The following FHIP1A variants were observed in gnomAD, a reference collection of about 807,000 sequenced individuals.
FHIP1A encodes the protein FHF complex subunit HOOK-interacting protein 1A.
In FHIP1A, 61 loss-of-function variants were observed where a neutral mutation model predicts 88.6. That is an observed-to-expected ratio of 0.69 (90% CI 0.56 to 0.85). FHIP1A has a LOEUF of 0.85. FHIP1A is among the 40% of genes least tolerant of loss of function. The probability of loss-of-function intolerance (pLI) is 0.00; values close to 1 mark genes in which losing one functional copy is unlikely to be tolerated. For synonymous variants in FHIP1A, 478 were observed against 496.0 expected, an observed-to-expected ratio of 0.96 and a Z score of 0.48; for missense variants, 1,154 against 1,273.5, an observed-to-expected ratio of 0.91 and a Z score of 1.43.
intron 3 of FHIP1A, among the ~76,000 whole-genome samples, chr4:151,529,782 A>G (rs1161978630): frequency 6.6e-6 from 1 of 152,212 alleles, no homozygotes; most frequent in Non-Finnish European, 1.5e-5. Context: ...ATTGGAGCCA[A>G]AAGAGGTTAA....
chr4:151,471,327 G>GA (rs10570533), intron 2 of FHIP1A, among the ~76,000 whole-genome samples: 43 of 133,844 alleles, frequency 3.2e-4, no homozygotes, highest in East Asian at 2.1e-3. Flanking sequence ...TTCCAATAAG[G>GA]AAAAAAAAAA....
chr4:151,412,665 T>TC (rs1561484208), intron 1 of FHIP1A, among the ~76,000 whole-genome samples: 16 of 118,692 alleles, frequency 1.3e-4, no homozygotes, highest in African/African-American at 2.0e-4. Context: ...CTTTCTTTCT[T>TC]TCTCTCTCTC....
intron 1 of FHIP1A, among the ~76,000 whole-genome samples, chr4:151,434,436 T>G (rs1192279937): frequency 6.6e-6 from 1 of 152,210 alleles, no homozygotes; most frequent in Non-Finnish European, 1.5e-5. Flanking sequence ...TATGAAACTT[T>G]TCTTTGATAG....
intron 1 of FHIP1A, among the ~76,000 whole-genome samples, chr4:151,412,526 A>G (rs1438653102): frequency 6.6e-6 from 1 of 151,644 alleles, no homozygotes; most frequent in Admixed American, 6.6e-5. Flanking sequence ...CATTTTGTGA[A>G]GTGGTTGGAT....
intron 3 of FHIP1A, among the ~76,000 whole-genome samples, chr4:151,507,847 A>C (rs1489352502): frequency 6.6e-6 from 1 of 152,204 alleles, no homozygotes; most frequent in Non-Finnish European, 1.5e-5. Flanking sequence ...AAGAATGGTA[A>C]AGGCTATTGC....
At chr4:151,611,973 T>A (rs573322159) in intron 7 of FHIP1A, among the ~76,000 whole-genome samples, 2 of 152,354 alleles carry the variant, frequency 1.3e-5, no homozygotes, top group South Asian at 4.1e-4. Flanking sequence ...AGAGATTAAA[T>A]TGGAGATAGA....
intron 3 of FHIP1A, among the ~76,000 whole-genome samples, chr4:151,485,327 C>T (rs1404474972): frequency 1.5e-5 from 2 of 133,224 alleles, no homozygotes; most frequent in African/African-American, 5.9e-5. Flanking sequence ...ACCAGAATGG[C>T]TTAAAATAAA....
intron 7 of FHIP1A, among the ~76,000 whole-genome samples, chr4:151,596,908 C>T (rs1734669599): frequency 6.6e-6 from 1 of 152,038 alleles, no homozygotes; most frequent in Non-Finnish European, 1.5e-5. Flanking sequence ...ACTGGTTATT[C>T]TAGGTAGCAA....
At chr4:151,584,933 G>A (rs1041367400) in intron 5 of FHIP1A, among the ~76,000 whole-genome samples, 3 of 152,044 alleles carry the variant, frequency 2.0e-5, no homozygotes, top group Non-Finnish European at 4.4e-5. Flanking sequence ...ATTTCCTGCT[G>A]CCAACCCTCG....
At position 151,646,709 on chromosome 4, in the gene FHIP1A, G is replaced by T; in HGVS notation, c.1378G>T (p.Asp460Tyr). The change falls in exon 10 of 14, where the codon GAT becomes TAT. Residue 460 changes from aspartate to tyrosine, a missense_variant. Coordinates refer to ENST00000435205, the MANE Select transcript of FHIP1A (RefSeq NM_001109977.3). ...TCTGACGCTGGGGAACCAAGAGAGG[G>T]ATTATATTCTCTGGTCAAAGTGTAT... is the stretch of plus-strand genomic sequence containing the variant. ...ITLTLGNQERDYILWSKCMHD... is the reference protein window; with the variant it reads ...ITLTLGNQERYYILWSKCMHD... 1 of 1,551,410 alleles carries T rather than the reference G, an allele frequency of 6.4e-7. No homozygotes were observed. The highest frequency in any genetic ancestry group is 1.2e-5 in the South Asian group (1 of 84,044).
intron 11 of FHIP1A, among the ~76,000 whole-genome samples, chr4:151,654,474 T>G (rs986740808): frequency 6.6e-6 from 1 of 152,156 alleles, no homozygotes; most frequent in Non-Finnish European, 1.5e-5. Flanking sequence ...AAGGATCATT[T>G]TATGGTCATA....
At chr4:151,548,844 C>T (rs563481483) in intron 3 of FHIP1A, among the ~76,000 whole-genome samples, 5 of 152,318 alleles carry the variant, frequency 3.3e-5, no homozygotes, top group African/African-American at 7.2e-5. Context: ...ACTTGTTCCC[C>T]GGTGCTGTAA....
At chr4:151,641,054 GGA>G (rs1491493863) in intron 9 of FHIP1A, among the ~76,000 whole-genome samples, 5 of 77,892 alleles carry the variant, frequency 6.4e-5, no homozygotes, top group South Asian at 4.0e-4. Context: ...ATGGAATAAT[GGA>G]AAAAAAAAAA....
chr4:151,509,564 T>C (rs1479110180), intron 3 of FHIP1A, among the ~76,000 whole-genome samples: 1 of 152,128 alleles, frequency 6.6e-6, no homozygotes. Flanking sequence ...ATTTGTGAGC[T>C]CATTTTTGTG....
intron 3 of FHIP1A, among the ~76,000 whole-genome samples, chr4:151,494,112 A>T (rs771201451): frequency 6.6e-6 from 1 of 152,178 alleles, no homozygotes; most frequent in Non-Finnish European, 1.5e-5. Flanking sequence ...TAGATTCTGG[A>T]TATTTGATCT....
intron 3 of FHIP1A, among the ~76,000 whole-genome samples, chr4:151,526,807 C>A (rs182418406): frequency 1.4e-5 from 2 of 146,624 alleles, no homozygotes; most frequent in Non-Finnish European, 3.0e-5. Context: ...ACTTCTCAGA[C>A]GGGGCGGTTG....
rs202028349 is a variant in FHIP1A at position 151,578,043 on chromosome 4, C to A, written c.699C>A (p.Ala233=). 1 of 1,550,874 alleles carries A rather than the reference C, an allele frequency of 6.4e-7. No homozygotes were observed. The highest frequency in any genetic ancestry group is 2.0e-5 in the Admixed American group (1 of 50,944). ...MSLSAENTMV[A]HHIVENTYFC... ...TTTCTGCTGAGAACACCATGGTGGC[C>A]CATCACATCGTGGAGAACACCTACT... The change falls in exon 5 of 14, where the codon GCC becomes GCA. Residue 233 remains alanine (A), a synonymous_variant. Transcript: ENST00000435205.
intron 3 of FHIP1A, among the ~76,000 whole-genome samples, chr4:151,533,237 T>A (rs1405343299): frequency 1.3e-5 from 2 of 151,984 alleles, no homozygotes; most frequent in Non-Finnish European, 2.9e-5. Context: ...TTTACAAAAA[T>A]TTTAAAAAAT....
chr4:151,554,075 CCT>C (rs1210454512), intron 3 of FHIP1A, among the ~76,000 whole-genome samples: 1 of 152,162 alleles, frequency 6.6e-6, no homozygotes, highest in African/African-American at 2.4e-5. Context: ...TCCTCCCAGT[CCT>C]CTGACTTTTC....
Sources: allele counts gnomAD v4.1 joint callset (sites outside exome capture counted in the v4.1 genomes callset), GRCh38; gene constraint gnomAD v4.1.1; transcripts MANE v1.5; gene names NCBI Gene and HGNC (gene_info 2026-07-23, HGNC 2026-07-21).